SMIM10L1: variants seen among roughly 807,000 people sequenced by gnomAD.
SMIM10L1 encodes small integral membrane protein 10 like 1.
Under a neutral mutation model 4.5 loss-of-function variants are expected in SMIM10L1, and 6 were observed. The ratio of observed to expected loss-of-function variants is 1.33; its 90% CI spans 0.73 to 2.62. The LOEUF (loss-of-function observed/expected upper bound fraction) is 2.62. Ranked by LOEUF, SMIM10L1 falls within the 30% of genes most tolerant of loss-of-function variation. SMIM10L1 has a pLI of 0.00. For missense variants in SMIM10L1, 66 were observed against 86.2 expected (o/e 0.77, Z 0.93); for synonymous variants, 49 against 42.2 (o/e 1.16, Z -0.63).
rs1346813232 is a variant in SMIM10L1 at position 11,175,148 on chromosome 12, T to A, written c.*3585T>A. ...TTGATATGTAAGTTCAAGTATTTTA[T>A]ACTCTCTGCAGCCTTAAACCTATTG... is the stretch of plus-strand genomic sequence containing the variant. On this transcript the variant is annotated 3_prime_UTR_variant, in exon 1 of 1. Coordinates refer to ENST00000622602, the MANE Select transcript of SMIM10L1 (RefSeq NM_001271592.2). The A allele has an allele frequency of 1.4e-5, 2 of 143,624 alleles. No homozygotes were observed. Among genetic ancestry groups the A allele is most frequent in the African/African-American group, 5.1e-5 (2 of 39,318 alleles). The allele number at this position is 143,624 out of a possible 1,614,324, so 8.9% of individuals were successfully genotyped here. A position where few individuals can be genotyped will look rare whatever the true frequency, so the allele number is the denominator to read the frequency against.
chr12:11,171,296 G>A lies in SMIM10L1; in HGVS notation c.-61G>A. ...CTGCCGGTCCCAGCCGTCGCTAGGA[G>A]GTCCGCGGGCCCTGCGGCAACCCTC... On this transcript the variant is annotated 5_prime_UTR_variant, in exon 1 of 1. Coordinates refer to ENST00000622602, the MANE Select transcript of SMIM10L1 (RefSeq NM_001271592.2). 2 of 1,106,816 alleles carry A rather than the reference G, an allele frequency of 1.8e-6. No homozygotes were observed. Among genetic ancestry groups the A allele is most frequent in the Non-Finnish European group, 2.3e-6 (2 of 873,668 alleles). 68.6% of individuals were successfully genotyped at this position (1,106,816 alleles called of 1,614,324 possible).
chr12:11,171,205 G>T lies in SMIM10L1; in HGVS notation c.-152G>T. On this transcript the variant is annotated 5_prime_UTR_variant, in exon 1 of 1. Coordinates refer to ENST00000622602, the MANE Select transcript of SMIM10L1 (RefSeq NM_001271592.2). Reference sequence around the variant, plus strand: ...CCAGCGGCGCCCGGGGCTACGCGCCGCACTGCACCGAGCGGCGGCAGCGGC... The same window carrying T: ...CCAGCGGCGCCCGGGGCTACGCGCCTCACTGCACCGAGCGGCGGCAGCGGC... 2 of 428,638 alleles carry T rather than the reference G, an allele frequency of 4.7e-6. No homozygotes were observed. Among genetic ancestry groups the T allele is most frequent in the Non-Finnish European group, 7.9e-6 (2 of 254,752 alleles). 26.6% of individuals were successfully genotyped at this position (428,638 alleles called of 1,614,324 possible). A position where few individuals can be genotyped will look rare whatever the true frequency, so the allele number is the denominator to read the frequency against.
In SMIM10L1 at chr12:11,171,708, A is replaced by AGCGGAGCTCCTC. The variant is rs1947855966; in HGVS notation, c.*146_*157dup. 2 of 524,138 alleles carry AGCGGAGCTCCTC rather than the reference A, an allele frequency of 3.8e-6. No homozygotes were observed. The highest frequency in any genetic ancestry group is 2.1e-4 in the South Asian group (2 of 9,490). The allele number at this position is 524,138 out of a possible 1,614,324, so 32.5% of individuals were successfully genotyped here. ...CTTCGTGGCTGCCCTCTTAGCTGCT[A>AGCGGAGCTCCTC]GCGGAGCTCCTCAGGGGGCGGCCGG... On this transcript the variant is annotated 3_prime_UTR_variant, in exon 1 of 1. Coordinates refer to ENST00000622602, the MANE Select transcript of SMIM10L1 (RefSeq NM_001271592.2).
Position 11,171,745 on chromosome 12 carries a change from C to A in SMIM10L1, c.*182C>A. ...CAGGGGGCGGCCGGGAGCCTACAAT[C>A]CCTAGAAAGAGAATACGCTGTTCCG... On this transcript the variant is annotated 3_prime_UTR_variant, in exon 1 of 1. Coordinates refer to ENST00000622602, the MANE Select transcript of SMIM10L1 (RefSeq NM_001271592.2). 1 of 403,358 alleles carries A rather than the reference C, an allele frequency of 2.5e-6. No individual in the cohort carries two copies. The highest frequency in any genetic ancestry group is 3.6e-5 in the East Asian group (1 of 27,846). The allele number at this position is 403,358 out of a possible 1,614,324, so 25.0% of individuals were successfully genotyped here.
rs950307115 is a variant in SMIM10L1, at chr12:11,171,497, G to A, written c.141G>A (p.Met47Ile). 4.1e-6 allele frequency: 5 copies of A among 1,232,260 alleles called. No homozygotes were observed. The African/African-American group carries it at 7.8e-5, about 19-fold the overall frequency. 76.3% of individuals were successfully genotyped at this position (1,232,260 alleles called of 1,614,324 possible). ...TCGAGCTGGCCTGGCAGCTGCGCAT[G>A]AACTTCCCGTACTTCTACGTCGCGG... ...AFFELAWQLR[M>I]NFPYFYVAGS... The change falls in exon 1 of 1, where the codon ATG becomes ATA. Residue 47 changes from methionine to isoleucine, a missense_variant. Transcript: ENST00000622602.
chr12:11,171,898 A>AT lies in SMIM10L1; in HGVS notation c.*338dup, dbSNP rs1158126005. ...TTTCAAAACAAAACAGAAGGCTAAA[A>AT]TTTGCAGGAAAAAGAAAATCAGTAA... On this transcript the variant is annotated 3_prime_UTR_variant, in exon 1 of 1. Transcript: ENST00000622602. The AT allele has an allele frequency of 6.9e-5, 13 of 187,796 alleles. No individual in the cohort carries two copies. Among genetic ancestry groups the AT allele is most frequent in the Non-Finnish European group, 1.3e-4 (12 of 92,138 alleles). 11.6% of individuals were successfully genotyped at this position (187,796 alleles called of 1,614,324 possible). A position where few individuals can be genotyped will look rare whatever the true frequency, so the allele number is the denominator to read the frequency against.
Position 11,173,909 on chromosome 12 carries a change from T to G in SMIM10L1, c.*2346T>G, listed in dbSNP as rs1436695214. On this transcript the variant is annotated 3_prime_UTR_variant, in exon 1 of 1. Transcript: ENST00000622602. ...TATATATACATACACATATATAAATTTAAGTAGTAACTATATATGTATATA... is the reference window on the plus strand; with the variant it reads ...TATATATACATACACATATATAAATGTAAGTAGTAACTATATATGTATATA... 1 of 151,446 alleles carries G rather than the reference T, an allele frequency of 6.6e-6. No homozygotes were observed. Among genetic ancestry groups the G allele is most frequent in the Non-Finnish European group, 1.5e-5 (1 of 67,866 alleles). 9.4% of individuals were successfully genotyped at this position (151,446 alleles called of 1,614,324 possible).
rs1947887076 is a variant in SMIM10L1, at chr12:11,172,947, T to C, written c.*1384T>C. On this transcript the variant is annotated 3_prime_UTR_variant, in exon 1 of 1. Transcript: ENST00000622602. ...TGGTGGTGAGCCAATCAAGATCTGA[T>C]ATAGAAAAATGCAGAAAAAGGAGTA... 6.6e-6 allele frequency: 1 copy of C among 152,016 alleles called. No individual in the cohort carries two copies. The highest frequency in any genetic ancestry group is 2.4e-5 in the African/African-American group (1 of 41,390). 9.4% of individuals were successfully genotyped at this position (152,016 alleles called of 1,614,324 possible). A position where few individuals can be genotyped will look rare whatever the true frequency, so the allele number is the denominator to read the frequency against.
rs1178320039 is a variant in SMIM10L1 at position 11,172,082 on chromosome 12, T to C, written c.*519T>C. 1 of 151,998 alleles carries C rather than the reference T, an allele frequency of 6.6e-6. No homozygotes were observed. Among genetic ancestry groups the C allele is most frequent in the Non-Finnish European group, 1.5e-5 (1 of 67,992 alleles). The allele number at this position is 151,998 out of a possible 1,614,324, so 9.4% of individuals were successfully genotyped here. Reference sequence around the variant, plus strand: ...AAAAACGCAAAACTGTACAGGAAAATCATCCTCCAAGTACCAGACATAAAA... The same window carrying C: ...AAAAACGCAAAACTGTACAGGAAAACCATCCTCCAAGTACCAGACATAAAA... On this transcript the variant is annotated 3_prime_UTR_variant, in exon 1 of 1. Coordinates refer to ENST00000622602, the MANE Select transcript of SMIM10L1 (RefSeq NM_001271592.2).
At position 11,172,366 on chromosome 12, in the gene SMIM10L1, G is replaced by A. The variant is rs1465457413; in HGVS notation, c.*803G>A. On this transcript the variant is annotated 3_prime_UTR_variant, in exon 1 of 1. Coordinates refer to ENST00000622602, the MANE Select transcript of SMIM10L1 (RefSeq NM_001271592.2). Reference sequence around the variant, plus strand: ...TTATTTACCATGTTTTAAAAATACAGCCGGAAAATACAAGTGGGAATGTTG... The same window carrying A: ...TTATTTACCATGTTTTAAAAATACAACCGGAAAATACAAGTGGGAATGTTG... 1 of 152,112 alleles carries A rather than the reference G, an allele frequency of 6.6e-6. No individual in the cohort carries two copies. The highest frequency in any genetic ancestry group is 1.9e-4 in the East Asian group (1 of 5,200). The allele number at this position is 152,112 out of a possible 1,614,324, so 9.4% of individuals were successfully genotyped here.
At position 11,173,573 on chromosome 12, in the gene SMIM10L1, C is replaced by T. The variant is rs1947903860; in HGVS notation, c.*2010C>T. Reference sequence around the variant, plus strand: ...TAGTTTAATCAATGAAATAGTAATACCAAGGGATTTAGAATCGTGGACATC... The same window carrying T: ...TAGTTTAATCAATGAAATAGTAATATCAAGGGATTTAGAATCGTGGACATC... On this transcript the variant is annotated 3_prime_UTR_variant, in exon 1 of 1. Coordinates refer to ENST00000622602, the MANE Select transcript of SMIM10L1 (RefSeq NM_001271592.2). 6.6e-6 allele frequency: 1 copy of T among 152,080 alleles called. No individual in the cohort carries two copies. The highest frequency in any genetic ancestry group is 2.1e-4 in the South Asian group (1 of 4,824). The allele number at this position is 152,080 out of a possible 1,614,324, so 9.4% of individuals were successfully genotyped here. A position where few individuals can be genotyped will look rare whatever the true frequency, so the allele number is the denominator to read the frequency against.
Position 11,174,329 on chromosome 12 carries a change from G to A in SMIM10L1, c.*2766G>A, listed in dbSNP as rs757916100. ...ATCCCCAAGCCTAGAGCACTGCCCA[G>A]TGCGGAATAGCTAATAAATATTGTT... On this transcript the variant is annotated 3_prime_UTR_variant, in exon 1 of 1. Transcript: ENST00000622602. 3 of 152,192 alleles carry A rather than the reference G, an allele frequency of 2.0e-5. No homozygotes were observed. The highest frequency in any genetic ancestry group is 4.4e-5 in the Non-Finnish European group (3 of 68,010). The allele number at this position is 152,192 out of a possible 1,614,324, so 9.4% of individuals were successfully genotyped here. A position where few individuals can be genotyped will look rare whatever the true frequency, so the allele number is the denominator to read the frequency against.
rs567218910 is a variant in SMIM10L1, at chr12:11,175,409, A to G, written c.*3846A>G. On this transcript the variant is annotated 3_prime_UTR_variant, in exon 1 of 1. Transcript: ENST00000622602. ...GGGAGATCTTTCTGGCAGGACATCA[A>G]TAGCTTTTGATAGCGTCAAGAAGAA... is the stretch of plus-strand genomic sequence containing the variant. 2 of 152,310 alleles carry G rather than the reference A, an allele frequency of 1.3e-5. No individual in the cohort carries two copies. Among genetic ancestry groups the G allele is most frequent in the South Asian group, 4.1e-4 (2 of 4,824 alleles). 9.4% of individuals were successfully genotyped at this position (152,310 alleles called of 1,614,324 possible).
rs1947888709 is a variant in SMIM10L1 at position 11,173,023 on chromosome 12, G to A, written c.*1460G>A. The A allele has an allele frequency of 6.6e-6, 1 of 151,558 alleles. No homozygotes were observed. Among genetic ancestry groups the A allele is most frequent in the Non-Finnish European group, 1.5e-5 (1 of 67,904 alleles). 9.4% of individuals were successfully genotyped at this position (151,558 alleles called of 1,614,324 possible). Reference sequence around the variant, plus strand: ...AAACTAATAATAAATCACCAAGAGTGGTAAAGTTTTAAATCAAGATCTGAT... The same window carrying A: ...AAACTAATAATAAATCACCAAGAGTAGTAAAGTTTTAAATCAAGATCTGAT... On this transcript the variant is annotated 3_prime_UTR_variant, in exon 1 of 1. Transcript: ENST00000622602.
rs894048630 is a variant in SMIM10L1, at chr12:11,173,558, A to T, written c.*1995A>T. On this transcript the variant is annotated 3_prime_UTR_variant, in exon 1 of 1. Coordinates refer to ENST00000622602, the MANE Select transcript of SMIM10L1 (RefSeq NM_001271592.2). Reference sequence around the variant, plus strand: ...AAAATATCAGAAGTGTAGTTTAATCAATGAAATAGTAATACCAAGGGATTT... The same window carrying T: ...AAAATATCAGAAGTGTAGTTTAATCTATGAAATAGTAATACCAAGGGATTT... 6.6e-6 allele frequency: 1 copy of T among 152,200 alleles called. No homozygotes were observed. The highest frequency in any genetic ancestry group is 1.5e-5 in the Non-Finnish European group (1 of 68,014). The allele number at this position is 152,200 out of a possible 1,614,324, so 9.4% of individuals were successfully genotyped here. A position where few individuals can be genotyped will look rare whatever the true frequency, so the allele number is the denominator to read the frequency against.
rs1404874311 is a variant in SMIM10L1, at chr12:11,173,702, T to C, written c.*2139T>C. On this transcript the variant is annotated 3_prime_UTR_variant, in exon 1 of 1. Coordinates refer to ENST00000622602, the MANE Select transcript of SMIM10L1 (RefSeq NM_001271592.2). Reference sequence around the variant, plus strand: ...AGGATGCTCCATTTGGGTGACTATGTGAACATATTCCTATAACTTTTTTCC... The same window carrying C: ...AGGATGCTCCATTTGGGTGACTATGCGAACATATTCCTATAACTTTTTTCC... 6.6e-6 allele frequency: 1 copy of C among 152,254 alleles called. No individual in the cohort carries two copies. The highest frequency in any genetic ancestry group is 1.9e-4 in the East Asian group (1 of 5,176). The allele number at this position is 152,254 out of a possible 1,614,324, so 9.4% of individuals were successfully genotyped here. A position where few individuals can be genotyped will look rare whatever the true frequency, so the allele number is the denominator to read the frequency against.
Position 11,171,696 on chromosome 12 carries a change from C to A in SMIM10L1, c.*133C>A. On this transcript the variant is annotated 3_prime_UTR_variant, in exon 1 of 1. Transcript: ENST00000622602. ...TGCTCAGGCGCTCTTCGTGGCTGCC[C>A]TCTTAGCTGCTAGCGGAGCTCCTCA... 1.7e-6 allele frequency: 1 copy of A among 580,918 alleles called. No homozygotes were observed. Among genetic ancestry groups the A allele is most frequent in the Non-Finnish European group, 2.5e-6 (1 of 393,626 alleles). 36.0% of individuals were successfully genotyped at this position (580,918 alleles called of 1,614,324 possible). A position where few individuals can be genotyped will look rare whatever the true frequency, so the allele number is the denominator to read the frequency against.
chr12:11,171,274 C>A lies in SMIM10L1; in HGVS notation c.-83C>A. Reference sequence around the variant, plus strand: ...GGGAGCCGCTTTGCTTACCGTCCTGCCGGTCCCAGCCGTCGCTAGGAGGTC... The same window carrying A: ...GGGAGCCGCTTTGCTTACCGTCCTGACGGTCCCAGCCGTCGCTAGGAGGTC... On this transcript the variant is annotated 5_prime_UTR_variant, in exon 1 of 1. Transcript: ENST00000622602. The A allele has an allele frequency of 3.3e-6, 3 of 922,456 alleles. No homozygotes were observed. Among genetic ancestry groups the A allele is most frequent in the Non-Finnish European group, 4.3e-6 (3 of 705,186 alleles). 57.1% of individuals were successfully genotyped at this position (922,456 alleles called of 1,614,324 possible).
rs1284686723 is a variant in SMIM10L1 at position 11,172,023 on chromosome 12, G to C, written c.*460G>C. 6.6e-6 allele frequency: 1 copy of C among 152,304 alleles called. No individual in the cohort carries two copies. Among genetic ancestry groups the C allele is most frequent in the Non-Finnish European group, 1.5e-5 (1 of 68,168 alleles). The allele number at this position is 152,304 out of a possible 1,614,324, so 9.4% of individuals were successfully genotyped here. On this transcript the variant is annotated 3_prime_UTR_variant, in exon 1 of 1. Transcript: ENST00000622602. ...AGAAGGTACATATTTCATCCCACAA[G>C]AGAAAACAATAATAATCAGAAATTT... is the stretch of plus-strand genomic sequence containing the variant.
Sources: gnomAD v4.1 joint callset for allele counts on GRCh38, gnomAD v4.1.1 for gene constraint, MANE v1.5 for transcripts, NCBI Gene and HGNC (gene_info 2026-07-23, HGNC 2026-07-21) for gene names.